Variants in UMODL1 observed in about 807,000 individuals in gnomAD.
UMODL1 encodes uromodulin-like 1.
UMODL1 carries 128 observed loss-of-function variants against 136.3 expected under a neutral mutation model. The ratio of observed to expected loss-of-function variants is 0.94; its 90% CI spans 0.81 to 1.09. The LOEUF (loss-of-function observed/expected upper bound fraction) is 1.09, where lower values mean the gene tolerates loss of function less well. Ranked by LOEUF, UMODL1 falls within the 50% of genes least tolerant of loss-of-function variation. The probability of loss-of-function intolerance (pLI) is 0.00; values close to 1 mark genes in which losing one functional copy is unlikely to be tolerated. For synonymous variants in UMODL1, 721 were observed against 720.0 expected (o/e 1.00, Z -0.02); for missense variants, 1,766 against 1,725.6 (o/e 1.02, Z -0.41).
intron 6 of UMODL1, chr21:42,093,807 G>A: frequency 2.2e-6 from 1 of 450,160 alleles, no homozygotes; most frequent in Non-Finnish European, 4.5e-6. Flanking sequence ...GGGGTCTCCA[G>A]GTATTAAAAA....
chr21:42,122,759 C>A lies in UMODL1; in HGVS notation c.2828-72C>A. On this transcript the variant is annotated intron_variant, in intron 16 of 22. Transcript: ENST00000408910. This position sits in a 1 kb window ranked among gnomAD's most constrained non-coding sequence, Gnocchi z 4.3. ...AGTGCAGGGCAGCTCCAGTCTGCTC[C>A]TTACCCCTGCCCCTCCATGCCAACC... The A allele has an allele frequency of 6.8e-7, 1 of 1,478,524 alleles. No homozygotes were observed. The highest frequency in any genetic ancestry group is 1.4e-5 in the South Asian group (1 of 73,094). The allele number at this position is 1,478,524 out of a possible 1,614,324, so 91.6% of individuals were successfully genotyped here.
At chr21:42,087,848 C>T (rs914977313) in intron 4 of UMODL1, among the ~76,000 whole-genome samples, 2 of 152,228 alleles carry the variant, frequency 1.3e-5, no homozygotes, top group African/African-American at 2.4e-5. Context: ...CCCCAGGCCT[C>T]TCTCCTTGGC....
intron 15 of UMODL1, 76 bp from the exon 16 acceptor site, chr21:42,121,011 C>CT: frequency 6.5e-7 from 1 of 1,530,946 alleles, no homozygotes; most frequent in East Asian, 2.3e-5. Flanking sequence ...GAGATGCACT[C>CT]TCCCCCAACC....
At chr21:42,095,711 A>G (rs1456018572) in intron 6 of UMODL1, among the ~76,000 whole-genome samples, 1 of 152,220 alleles carries the variant, frequency 6.6e-6, no homozygotes, top group Non-Finnish European at 1.5e-5. Context: ...GTAGTAAGGC[A>G]AGTGAACTTT....
intron 10 of UMODL1, among the ~76,000 whole-genome samples, chr21:42,110,320 A>G (rs220123): frequency 0.46 from 70,626 of 152,168 alleles, 16,759 homozygotes; most frequent in Admixed American, 0.56. Context: ...AGAGGCGCCC[A>G]GCCACTGGCT....
In UMODL1 at chr21:42,114,035, G is replaced by A. The variant is rs552584123; in HGVS notation, c.2362+205G>A. ...CTTATTCAGGAAAAGGCATTAGGCA[G>A]CCCACGGGTATGGAGGCGGCAGCAG... is the stretch of plus-strand genomic sequence containing the variant. On this transcript the variant is annotated intron_variant, in intron 13 of 22. Transcript: ENST00000408910. Among the ~76,000 whole-genome samples the A allele has an allele frequency of 3.9e-5, 6 of 152,348 alleles. No homozygotes were observed. The South Asian group carries it at 1.2e-3, about 32-fold the overall frequency.
At chr21:42,066,474 C>T (rs1456204283), upstream of UMODL1, among the ~76,000 whole-genome samples, 1 of 152,080 alleles carries the variant, frequency 6.6e-6, no homozygotes, top group Admixed American at 6.5e-5. Context: ...TTAGTAGAGG[C>T]AGGGTTTCAC....
At position 42,134,898 on chromosome 21, in the gene UMODL1, A is replaced by G. The variant is rs189738629; in HGVS notation, c.3776-2541A>G. On this transcript the variant is annotated intron_variant, in intron 21 of 22. Coordinates refer to ENST00000408910, the MANE Select transcript of UMODL1 (RefSeq NM_001004416.3). Reference sequence around the variant, plus strand: ...CTCAGCCTCCCAAGGTTCTGGGATTATAGGCGTGAGCCACCTTGCCTGGCA... The same window carrying G: ...CTCAGCCTCCCAAGGTTCTGGGATTGTAGGCGTGAGCCACCTTGCCTGGCA... Among the ~76,000 whole-genome samples, 9 of 152,072 alleles carry G rather than the reference A, an allele frequency of 5.9e-5. No individual in the cohort carries two copies. The East Asian group carries it at 1.7e-3, about 29-fold the overall frequency.
chr21:42,108,447 C>G (rs768403061), intron 9 of UMODL1: 30 of 470,352 alleles, frequency 6.4e-5, no homozygotes, highest in Admixed American at 4.9e-4. Flanking sequence ...GAAGCTGCTT[C>G]TGTGGAGACC....
intron 9 of UMODL1, among the ~76,000 whole-genome samples, chr21:42,109,318 G>A (rs59976808): frequency 0.17 from 26,257 of 152,150 alleles, 2,402 homozygotes; most frequent in South Asian, 0.23. Flanking sequence ...ACACCCATGG[G>A]TGCTAATATT....
At chr21:42,067,655 G>C (rs74584584), upstream of UMODL1, among the ~76,000 whole-genome samples, 5,735 of 152,304 alleles carry the variant, frequency 0.038, 291 homozygotes, top group African/African-American at 0.12. Context: ...CCTGGCCTTA[G>C]CTATGCCTTT....
chr21:42,085,470 C>T lies in UMODL1; in HGVS notation c.603+58C>T. On this transcript the variant is annotated intron_variant, in intron 4 of 22. Transcript: ENST00000408910. This position sits in a 1 kb window ranked among gnomAD's most constrained non-coding sequence, Gnocchi z 4.5. ...TCCTTGTGGCAGCTGCTCAGGCAGA[C>T]CCAGGTATGGGGCCGTGGAAGGGAC... The T allele has an allele frequency of 1.2e-6, 2 of 1,611,372 alleles. No homozygotes were observed. The highest frequency in any genetic ancestry group is 1.7e-6 in the Non-Finnish European group (2 of 1,179,346).
chr21:42,122,532 CAT>C lies in UMODL1; in HGVS notation c.2828-298_2828-297del, dbSNP rs1327277050. On this transcript the variant is annotated intron_variant, in intron 16 of 22. Transcript: ENST00000408910. The surrounding 1 kb of genome is among the most constrained non-coding windows in gnomAD (Gnocchi z 4.3). ...TCCCTGAGCTGGTGGAAATGTGCAACATGTGCATGTGTGCGTGTGTGTGTGTC... is the reference window on the plus strand; with the variant it reads ...TCCCTGAGCTGGTGGAAATGTGCAACGTGCATGTGTGCGTGTGTGTGTGTC... Among the ~76,000 whole-genome samples the C allele has an allele frequency of 6.6e-6, 1 of 151,490 alleles. No individual in the cohort carries two copies. The highest frequency in any genetic ancestry group is 6.6e-5 in the Admixed American group (1 of 15,194).
intron 2 of UMODL1, among the ~76,000 whole-genome samples, chr21:42,083,783 G>A (rs1334760524): frequency 6.6e-6 from 1 of 152,246 alleles, no homozygotes; most frequent in Non-Finnish European, 1.5e-5. Context: ...AGCAGCAAGG[G>A]GCCCTTTCAG....
intron 17 of UMODL1, among the ~76,000 whole-genome samples, chr21:42,124,592 G>A (rs894589823): frequency 1.3e-5 from 2 of 152,106 alleles, no homozygotes; most frequent in African/African-American, 4.8e-5. Context: ...TATGAGGCCT[G>A]GTGGGAAAGT....
intron 22 of UMODL1, among the ~76,000 whole-genome samples, chr21:42,140,300 C>T (rs7275442): frequency 5.1e-4 from 46 of 89,928 alleles, no homozygotes; most frequent in East Asian, 2.9e-3. Flanking sequence ...AAGGGATAGA[C>T]GTCCCAGGTC....
Position 42,122,068 on chromosome 21 carries a change from A to G in UMODL1, c.2828-763A>G, listed in dbSNP as rs1339599531. Among the ~76,000 whole-genome samples the G allele has an allele frequency of 6.6e-6, 1 of 152,166 alleles. No homozygotes were observed. Among genetic ancestry groups the G allele is most frequent in the Non-Finnish European group, 1.5e-5 (1 of 68,032 alleles). ...GAAGTCCTCAGCAATGGTTTGGACTATGGCCCAGAGACAGGAGTGAGCTGG... is the reference window on the plus strand; with the variant it reads ...GAAGTCCTCAGCAATGGTTTGGACTGTGGCCCAGAGACAGGAGTGAGCTGG... On this transcript the variant is annotated intron_variant, in intron 16 of 22. Transcript: ENST00000408910. The surrounding 1 kb of genome is among the most constrained non-coding windows in gnomAD (Gnocchi z 4.3).
rs368087799 is a variant in UMODL1, at chr21:42,126,360, G to A, written c.3163G>A (p.Val1055Met). ...TTGTGCTCAGAACATGACGAACACCGTGGTGAGGACCACGCTGAGGAACGA... is the reference window on the plus strand; with the variant it reads ...TTGTGCTCAGAACATGACGAACACCATGGTGAGGACCACGCTGAGGAACGA... ...TLMQSNMTNT[V>M]VRTTLRNDLS... Residue 1055 changes from valine (V) to methionine (M), a missense_variant, in exon 18 of 23, where the codon GTG becomes ATG. Val to Met is a conservative substitution (Grantham distance 21). Coordinates refer to ENST00000408910, the MANE Select transcript of UMODL1 (RefSeq NM_001004416.3). The A allele has an allele frequency of 1.1e-5, 18 of 1,614,022 alleles. No homozygotes were observed. Among genetic ancestry groups the A allele is most frequent in the African/African-American group, 4.0e-5 (3 of 74,934 alleles).
At chr21:42,127,282 C>T (rs2067071830) in intron 19 of UMODL1, 40 bp downstream of exon 19, 5 of 1,557,366 alleles carry the variant, frequency 3.2e-6, no homozygotes, top group South Asian at 1.1e-5. Context: ...CCAGCAATGC[C>T]TGGGGCTTTA....
Sources: allele counts gnomAD v4.1 joint callset (sites outside exome capture counted in the v4.1 genomes callset), GRCh38; gene constraint gnomAD v4.1.1; non-coding constraint Gnocchi (gnomAD v3.1); transcripts MANE v1.5; gene names NCBI Gene and HGNC (gene_info 2026-07-23, HGNC 2026-07-21).